Variants in TMEM177 observed in about 807,000 individuals in gnomAD.
TMEM177 encodes the protein transmembrane protein 177.
A neutral mutation model predicts 14.2 loss-of-function variants in TMEM177; 4 were observed. That is an observed-to-expected ratio of 0.28 (90% CI 0.14 to 0.64). TMEM177 has a LOEUF of 0.64. TMEM177 is among the 30% of genes least tolerant of loss of function. The pLI is 0.82. For synonymous variants in TMEM177, 179 were observed against 174.5 expected, an observed-to-expected ratio of 1.03 and a Z score of -0.20; for missense variants, 344 against 405.2, an observed-to-expected ratio of 0.85 and a Z score of 1.30.
At chr2:119,697,705 CCT>C in the TMEM177 span, among the ~76,000 whole-genome samples, 9 of 151,828 alleles carry the variant, frequency 5.9e-5, no homozygotes, top group Non-Finnish European at 1.3e-4. Context: ...CCCTCAGCTT[CCT>C]CTCTCTCTCT....
At chr2:119,698,313 A>C in the TMEM177 span, among the ~76,000 whole-genome samples, 1 of 152,196 alleles carries the variant, frequency 6.6e-6, no homozygotes, top group African/African-American at 2.4e-5. Flanking sequence ...CCCTCCCTGC[A>C]CAGTTGGGGG....
At chr2:119,713,422 A>G in the TMEM177 span, among the ~76,000 whole-genome samples, 1 of 152,160 alleles carries the variant, frequency 6.6e-6, no homozygotes, top group Non-Finnish European at 1.5e-5. Context: ...AGGTCCATAG[A>G]TAATAAAGGT....
chr2:119,691,424 G>C (rs572639913), downstream of TMEM177, among the ~76,000 whole-genome samples: 2 of 152,168 alleles, frequency 1.3e-5, no homozygotes, highest in African/African-American at 4.8e-5. Flanking sequence ...TTGTCAAGCA[G>C]TGACTGAATT....
the TMEM177 span, among the ~76,000 whole-genome samples, chr2:119,715,012 C>T: frequency 1.3e-5 from 2 of 152,198 alleles, no homozygotes; most frequent in African/African-American, 4.8e-5. Context: ...GTGCTAGGAA[C>T]CAGGCACTTG....
downstream of TMEM177, chr2:119,685,769 A>C (rs577315280): frequency 1.4e-6 from 1 of 717,472 alleles, no homozygotes; most frequent in South Asian, 1.5e-5. Context: ...CGTTCTTAAA[A>C]CACTAAATTT....
chr2:119,693,286 G>T, the TMEM177 span, among the ~76,000 whole-genome samples: 1 of 152,196 alleles, frequency 6.6e-6, no homozygotes, highest in Non-Finnish European at 1.5e-5. Context: ...TGCTTTTGGG[G>T]AGTGGGTTTG....
At chr2:119,692,007 G>A in the TMEM177 span, among the ~76,000 whole-genome samples, 2 of 152,338 alleles carry the variant, frequency 1.3e-5, no homozygotes, top group East Asian at 1.9e-4. Context: ...AAGCACAACC[G>A]ATGTCACAGG....
At chr2:119,694,838 T>C in the TMEM177 span, among the ~76,000 whole-genome samples, 5 of 151,968 alleles carry the variant, frequency 3.3e-5, no homozygotes, top group Non-Finnish European at 5.9e-5. Flanking sequence ...GATTTGGGAG[T>C]TGCTACCACA....
At chr2:119,686,973 G>A (rs1273168533), downstream of TMEM177, among the ~76,000 whole-genome samples, 2 of 152,212 alleles carry the variant, frequency 1.3e-5, no homozygotes, top group South Asian at 2.1e-4. Context: ...CAGCTTTTAA[G>A]ATGACCCTAA....
Position 119,681,005 on chromosome 2 carries a change from A to G in TMEM177, c.152A>G (p.Gln51Arg), listed in dbSNP as rs1285752887. ...CAATGGCTCTACCAGTACTGGCCTC[A>G]GGGCCAGCCAGCTCCGCTCCCTCCA... ...VVQWLYQYWP[Q>R]GQPAPLPPQL... The change falls in exon 2 of 2, where the codon CAG (glutamine) becomes CGG (arginine). Residue 51 changes from glutamine to arginine, a missense_variant. By Grantham distance (43) the Gln-to-Arg change is conservative. Coordinates refer to ENST00000272521, the MANE Select transcript of TMEM177 (RefSeq NM_030577.3). The G allele has an allele frequency of 1.2e-6, 2 of 1,614,048 alleles. No individual in the cohort carries two copies. Among genetic ancestry groups the G allele is most frequent in the East Asian group, 2.2e-5 (1 of 44,884 alleles).
chr2:119,689,113 T>A (rs995587999), downstream of TMEM177, among the ~76,000 whole-genome samples: 3 of 152,166 alleles, frequency 2.0e-5, no homozygotes, highest in Admixed American at 2.0e-4. Context: ...CTCCCTGCCT[T>A]CTATCCCCTC....
chr2:119,700,924 C>G, the TMEM177 span, among the ~76,000 whole-genome samples: 1 of 152,198 alleles, frequency 6.6e-6, no homozygotes, highest in East Asian at 1.9e-4. Flanking sequence ...TCAGGCCAGG[C>G]CTGTGCTGGC....
downstream of TMEM177, among the ~76,000 whole-genome samples, chr2:119,688,654 T>C (rs1689053234): frequency 6.6e-6 from 1 of 152,084 alleles, no homozygotes; most frequent in Admixed American, 6.6e-5. Context: ...CTGAATGTCA[T>C]CATGCAGCGT....
the TMEM177 span, among the ~76,000 whole-genome samples, chr2:119,706,153 A>G: frequency 6.6e-6 from 1 of 151,824 alleles, no homozygotes; most frequent in African/African-American, 2.4e-5. Flanking sequence ...ACTCCCAAGT[A>G]GCTGGGATTA....
At chr2:119,705,619 C>CGTGTGTGT in the TMEM177 span, among the ~76,000 whole-genome samples, 84,550 of 138,976 alleles carry the variant, frequency 0.61, 26,500 homozygotes, top group Non-Finnish European at 0.69. Context: ...CACTCAGATC[C>CGTGTGTGT]GTGTGTGTGT....
downstream of TMEM177, among the ~76,000 whole-genome samples, chr2:119,689,531 A>G (rs1051860930): frequency 6.6e-6 from 1 of 152,270 alleles, no homozygotes; most frequent in African/African-American, 2.4e-5. Flanking sequence ...AGTGCTTTAC[A>G]TATAAGAACT....
chr2:119,682,255 G>T (rs1485810533), downstream of TMEM177: 2 of 156,160 alleles, frequency 1.3e-5, no homozygotes, highest in Non-Finnish European at 2.8e-5. Flanking sequence ...CAAAGTGCTG[G>T]AATTACAGGC....
the TMEM177 span, chr2:119,699,839 C>A: frequency 5.1e-6 from 2 of 395,528 alleles, no homozygotes; most frequent in South Asian, 2.1e-5. Context: ...TGAGGCTGGA[C>A]ACAAGGTCAG....
At chr2:119,714,178 A>T in the TMEM177 span, among the ~76,000 whole-genome samples, 1 of 152,192 alleles carries the variant, frequency 6.6e-6, no homozygotes, top group South Asian at 2.1e-4. Context: ...CATTGGAGGC[A>T]TACAAGAGAC....
Sources: gnomAD v4.1 joint callset for allele counts (sites outside exome capture counted in the v4.1 genomes callset) on GRCh38, gnomAD v4.1.1 for gene constraint, MANE v1.5 for transcripts, NCBI Gene and HGNC (gene_info 2026-07-23, HGNC 2026-07-21) for gene names.